The following ZIM2 variants were observed in gnomAD, a reference collection of about 807,000 sequenced individuals.
ZIM2 encodes the protein zinc finger protein 656.
Under a neutral mutation model 38.6 loss-of-function variants are expected in ZIM2, and 14 were observed. That is an observed-to-expected ratio of 0.36 (90% CI 0.24 to 0.57). ZIM2 has a LOEUF of 0.57. Ranked by LOEUF, ZIM2 falls within the 20% of genes least tolerant of loss-of-function variation. ZIM2 has a pLI of 0.81. For missense variants in ZIM2, 680 were observed against 695.1 expected (o/e 0.98, Z 0.24); for synonymous variants, 247 against 245.8 (o/e 1.00, Z -0.04).
At chr19:56,811,821 T>G (rs2059562448) in intron 9 of ZIM2, 1 of 985,600 alleles carries the variant, frequency 1.0e-6, no homozygotes, top group African/African-American at 1.7e-5. Flanking sequence ...CCCCGCTCAA[T>G]TCATTCTCAG....
chr19:56,832,110 C>T lies in ZIM2; in HGVS notation c.-227+3908G>A, dbSNP rs146268074. 7.0e-3 allele frequency among the ~76,000 whole-genome samples: 1,069 copies of T among 152,258 alleles called. 10 individuals are homozygous for T. The highest frequency in any genetic ancestry group is 0.025 in the African/African-American group (1,023 of 41,550). ...TATCAGAATAAATGATTAATAATAA[C>T]AAGTCTCTGTTTCTTTTTCCATCTC... On this transcript the variant is annotated intron_variant, in intron 2 of 12. Transcript: ENST00000629319.
Position 56,817,817 on chromosome 19 carries a change from T to C in ZIM2, c.419A>G (p.Asp140Gly). ...GCCCTGCGTCATGTGGGAGTGGCCA[T>C]CGTCTTCAGCAAGCTGCACTCCTGG... ...LSLGVQLAED[D>G]GHSHMTQGHS... Residue 140 changes from aspartate to glycine, a missense_variant, in exon 9 of 13, where the codon GAT (aspartate) becomes GGT (glycine). Asp to Gly is a moderately conservative substitution (Grantham distance 94). Transcript: ENST00000629319. The C allele has an allele frequency of 6.2e-7, 1 of 1,614,050 alleles. No individual in the cohort carries two copies. Among genetic ancestry groups the C allele is most frequent in the Non-Finnish European group, 8.5e-7 (1 of 1,179,992 alleles).
chr19:56,815,420 G>A lies in ZIM2; in HGVS notation c.490+2326C>T, dbSNP rs116297129. ...TGAGGGTCAGTAGGGGCCAAGCTGC[G>A]AATGACAGACCATTCATAGTTTCTG... On this transcript the variant is annotated intron_variant, in intron 9 of 12. Coordinates refer to ENST00000629319, the MANE Select transcript of ZIM2 (RefSeq NM_001387356.1). 2.0e-5 allele frequency: 33 copies of A among 1,614,076 alleles called. No individual in the cohort carries two copies. Among genetic ancestry groups the A allele is most frequent in the African/African-American group, 2.0e-4 (15 of 75,052 alleles).
intron 3 of ZIM2, chr19:56,824,712 G>C: frequency 1.3e-6 from 2 of 1,500,850 alleles, no homozygotes; most frequent in Non-Finnish European, 1.8e-6. Flanking sequence ...GGAAAGACGC[G>C]GCAGCCTGTG....
intron 2 of ZIM2, among the ~76,000 whole-genome samples, chr19:56,827,745 C>A (rs558676283): frequency 1.3e-5 from 2 of 152,106 alleles, no homozygotes; most frequent in Admixed American, 1.3e-4. Flanking sequence ...ACTATGAAAC[C>A]CTTTAAAATA....
In ZIM2 at chr19:56,815,441, T is replaced by C. The variant is rs867373918; in HGVS notation, c.490+2305A>G. On this transcript the variant is annotated intron_variant, in intron 9 of 12. Coordinates refer to ENST00000629319, the MANE Select transcript of ZIM2 (RefSeq NM_001387356.1). ...CTGCGAATGACAGACCATTCATAGT[T>C]TCTGCTTCCAGAGGGCTTCTCCCTA... The C allele has an allele frequency of 5.6e-6, 9 of 1,614,110 alleles. No homozygotes were observed. In the Middle Eastern group the frequency reaches 1.5e-3, roughly 266 times the overall value.
rs918790775 is a variant in ZIM2, at chr19:56,789,888, G to A, written c.554C>T (p.Pro185Leu). ...KRNTEMLDNLPSAGSQFPDFK... is the reference protein window; with the variant it reads ...KRNTEMLDNLLSAGSQFPDFK... ...CTGACTCACCTGGGACCCAGCAGAT[G>A]GCAGATTGTCTAACATCTCTGTGTT... The change falls in exon 10 of 13, where the codon CCA becomes CTA. Residue 185 changes from proline to leucine, a missense_variant. Transcript: ENST00000629319. The A allele has an allele frequency of 6.3e-7, 1 of 1,577,020 alleles. No individual in the cohort carries two copies.
intron 9 of ZIM2, among the ~76,000 whole-genome samples, chr19:56,803,242 C>A (rs1233905994): frequency 6.6e-6 from 1 of 152,186 alleles, no homozygotes; most frequent in Admixed American, 6.5e-5. Flanking sequence ...TGAACCCTGC[C>A]ACCCTCTTTC....
intron 10 of ZIM2, among the ~76,000 whole-genome samples, chr19:56,788,706 T>C (rs2046765169): frequency 6.6e-6 from 1 of 152,158 alleles, no homozygotes; most frequent in Non-Finnish European, 1.5e-5. Context: ...TCTTGCTAGG[T>C]TGGGGAAGTT....
At chr19:56,806,251 A>C (rs577787891) in intron 9 of ZIM2, among the ~76,000 whole-genome samples, 3 of 152,376 alleles carry the variant, frequency 2.0e-5, no homozygotes, top group African/African-American at 7.2e-5. Context: ...AGATGCTTAA[A>C]TATGACAGAT....
chr19:56,794,290 A>G (rs2047083082), intron 9 of ZIM2, among the ~76,000 whole-genome samples: 1 of 152,220 alleles, frequency 6.6e-6, no homozygotes, highest in Non-Finnish European at 1.5e-5. Context: ...AAGATGTTCT[A>G]CAACAAACCT....
In ZIM2 at chr19:56,774,617, T is replaced by G; in HGVS notation, c.*71A>C. On this transcript the variant is annotated 3_prime_UTR_variant, in exon 13 of 13. Transcript: ENST00000629319. ...ACAAGGTGGGGCTAGTGAAAGGCCT[T>G]CTCACACTCACAACACTCTAGGAGG... The G allele has an allele frequency of 6.5e-7, 1 of 1,537,248 alleles. No individual in the cohort carries two copies. The highest frequency in any genetic ancestry group is 8.8e-7 in the Non-Finnish European group (1 of 1,140,334).
intron 1 of ZIM2, among the ~76,000 whole-genome samples, chr19:56,837,722 G>A (rs111855323): frequency 3.3e-5 from 5 of 152,352 alleles, no homozygotes; most frequent in African/African-American, 1.2e-4. Flanking sequence ...GGCACAGAAT[G>A]AATGAACACG....
At chr19:56,827,755 A>G (rs2061190175) in intron 2 of ZIM2, among the ~76,000 whole-genome samples, 1 of 152,248 alleles carries the variant, frequency 6.6e-6, no homozygotes, top group African/African-American at 2.4e-5. Context: ...CCTTTAAAAT[A>G]AGGCAACTCT....
intron 1 of ZIM2, among the ~76,000 whole-genome samples, chr19:56,836,632 G>T (rs1253349543): frequency 2.0e-5 from 3 of 152,148 alleles, no homozygotes; most frequent in Non-Finnish European, 4.4e-5. Context: ...TATATTCCAA[G>T]AGTCAGGTGG....
intron 9 of ZIM2, chr19:56,799,213 G>T (rs2047377939): frequency 6.6e-6 from 1 of 152,114 alleles, no homozygotes; most frequent in Non-Finnish European, 1.5e-5. Context: ...GCTCATCAAT[G>T]ACAGACTTGA....
rs979642277 is a variant in ZIM2 at position 56,814,039 on chromosome 19, G to A, written c.490+3707C>T. The A allele has an allele frequency of 4.3e-6, 7 of 1,614,058 alleles. No homozygotes were observed. In the Middle Eastern group the frequency reaches 6.6e-4, roughly 152 times the overall value. On this transcript the variant is annotated intron_variant, in intron 9 of 12. Transcript: ENST00000629319. This position sits in a 1 kb window ranked among gnomAD's most constrained non-coding sequence, Gnocchi z 5.8. ...CTCTGGCTCTTCAGCTTTTCCCTCT[G>A]GCTCTTCAGCTCTTTCTTCTGGGTC...
intron 9 of ZIM2, among the ~76,000 whole-genome samples, chr19:56,791,486 G>T (rs1047968810): frequency 4.6e-5 from 7 of 152,124 alleles, no homozygotes; most frequent in Non-Finnish European, 8.8e-5. Flanking sequence ...TTCATGATAT[G>T]CTATCTTTAT....
Position 56,794,771 on chromosome 19 carries a change from ACTCT to A in ZIM2, c.491-4824_491-4821del, listed in dbSNP as rs1329953711. 2.0e-5 allele frequency among the ~76,000 whole-genome samples: 3 copies of A among 152,006 alleles called. No homozygotes were observed. In the East Asian group the frequency reaches 5.8e-4, roughly 29 times the overall value. ...AGGCCTAGTTTAATGCTTTACTGTC[ACTCT>A]CTTGAAATTTTTCACAATTTTTTGG... On this transcript the variant is annotated intron_variant, in intron 9 of 12. Coordinates refer to ENST00000629319, the MANE Select transcript of ZIM2 (RefSeq NM_001387356.1).
Sources: allele counts gnomAD v4.1 joint callset (sites outside exome capture counted in the v4.1 genomes callset), GRCh38; gene constraint gnomAD v4.1.1; non-coding constraint Gnocchi (gnomAD v3.1); transcripts MANE v1.5; gene names NCBI Gene and HGNC (gene_info 2026-07-23, HGNC 2026-07-21).